ARHGAP20: variants seen among roughly 807,000 people sequenced by gnomAD.
ARHGAP20 encodes the protein Rho GTPase activating protein 20.
A neutral mutation model predicts 73.7 loss-of-function variants in ARHGAP20; 34 were observed. That is an observed-to-expected ratio of 0.46 (90% CI 0.35 to 0.61). ARHGAP20 has a LOEUF of 0.61. Ranked by LOEUF, ARHGAP20 falls within the 20% of genes least tolerant of loss-of-function variation. ARHGAP20 has a pLI of 0.00. For synonymous variants in ARHGAP20, 523 were observed against 518.2 expected, an observed-to-expected ratio of 1.01 and a Z score of -0.13; for missense variants, 1,314 against 1,420.9, an observed-to-expected ratio of 0.92 and a Z score of 1.21.
At chr11:110,606,461 A>C in intron 9 of ARHGAP20, 100 bp downstream of exon 9, 1 of 1,295,112 alleles carries the variant, frequency 7.7e-7, no homozygotes, top group Non-Finnish European at 1.1e-6. Flanking sequence ...ATACTTAGCA[A>C]ATTCCAAGAA....
At chr11:110,606,827 C>T (rs1262536464) in intron 8 of ARHGAP20, 78 bp from the exon 9 acceptor site, 3 of 1,218,772 alleles carry the variant, frequency 2.5e-6, no homozygotes, top group Non-Finnish European at 3.3e-6. Flanking sequence ...TAGGAATGTA[C>T]TGCAATTTAC....
chr11:110,637,033 A>ACATT (rs1220639787), intron 2 of ARHGAP20, among the ~76,000 whole-genome samples: 1 of 152,062 alleles, frequency 6.6e-6, no homozygotes, highest in African/African-American at 2.4e-5. Flanking sequence ...TTATGTATTA[A>ACATT]CATTCCATTT....
intron 2 of ARHGAP20, among the ~76,000 whole-genome samples, chr11:110,684,789 G>T (rs955537189): frequency 6.6e-5 from 10 of 152,130 alleles, no homozygotes; most frequent in African/African-American, 2.4e-4. Context: ...GTATGCAGCT[G>T]GAGGCCATTA....
intron 4 of ARHGAP20, 79 bp downstream of exon 4, chr11:110,624,079 TTTGA>T (rs2134933458): frequency 1.0e-5 from 15 of 1,475,860 alleles, no homozygotes; most frequent in Non-Finnish European, 1.4e-5. Flanking sequence ...AGGAACAACA[TTTGA>T]TTAATTTTTA....
At chr11:110,631,595 A>AC (rs1318753980) in intron 2 of ARHGAP20, among the ~76,000 whole-genome samples, 2 of 151,978 alleles carry the variant, frequency 1.3e-5, no homozygotes, top group African/African-American at 4.8e-5. Context: ...TGGTTATGAG[A>AC]CCCCCAAGTT....
chr11:110,700,766 A>G (rs1950432223), intron 1 of ARHGAP20, among the ~76,000 whole-genome samples: 1 of 118,430 alleles, frequency 8.4e-6, no homozygotes, highest in Admixed American at 1.1e-4. Context: ...CAGTCCCCAG[A>G]GTGTGATGTT....
chr11:110,701,523 T>G lies in ARHGAP20; in HGVS notation c.105+10604A>C, dbSNP rs1379997674. The stretch of plus-strand genomic sequence containing the variant: ...GTAGGTTGCGAAAATTTTCTCCCAT[T>G]TTGTAGGTTGCCTGTTCACTCTGAT... On this transcript the variant is annotated intron_variant, in intron 1 of 14. Transcript: ENST00000683387. Among the ~76,000 whole-genome samples, 241 of 150,418 alleles carry G rather than the reference T, an allele frequency of 1.6e-3. 1 individual carries two copies. Among genetic ancestry groups the G allele is most frequent in the Non-Finnish European group, 1.2e-3 (79 of 66,984 alleles).
At chr11:110,656,499 C>T (rs1188224026) in intron 2 of ARHGAP20, among the ~76,000 whole-genome samples, 1 of 152,144 alleles carries the variant, frequency 6.6e-6, no homozygotes, top group Non-Finnish European at 1.5e-5. Flanking sequence ...TCTACTTCTT[C>T]CCCAGTGGGT....
intron 1 of ARHGAP20, among the ~76,000 whole-genome samples, chr11:110,710,441 A>C (rs892485575): frequency 4.2e-4 from 64 of 152,238 alleles, no homozygotes; most frequent in African/African-American, 1.5e-3. Context: ...TTAGTAAAAA[A>C]AAAAGAAAAA....
chr11:110,661,538 T>TA (rs1490688081), intron 2 of ARHGAP20, among the ~76,000 whole-genome samples: 1 of 152,038 alleles, frequency 6.6e-6, no homozygotes, highest in African/African-American at 2.4e-5. Flanking sequence ...ACTGATATAG[T>TA]AAAAAAATTC....
intron 7 of ARHGAP20, among the ~76,000 whole-genome samples, 164 bp from the exon 8 acceptor site, chr11:110,609,214 A>G (rs1053807833): frequency 1.3e-5 from 2 of 152,048 alleles, no homozygotes; most frequent in Non-Finnish European, 2.9e-5. Context: ...CTATATAGGT[A>G]GCCTACAGAG....
intron 1 of ARHGAP20, among the ~76,000 whole-genome samples, chr11:110,707,205 C>T (rs1950566060): frequency 6.6e-6 from 1 of 152,068 alleles, no homozygotes; most frequent in South Asian, 2.1e-4. Context: ...CAACACTCAT[C>T]CTATTTAAAG....
At position 110,606,594 on chromosome 11, in the gene ARHGAP20, G is replaced by C; in HGVS notation, c.931C>G (p.Pro311Ala). The part of the protein sequence containing the change: ...REMQCQFILK[P>A]SRLAAAQQLS... Reference sequence around the variant, plus strand: ...TGCTGGGCTGCAGCCAGGCGGCTGGGCTTCAGGATGAACTGGCACTGCATC... The same window carrying C: ...TGCTGGGCTGCAGCCAGGCGGCTGGCCTTCAGGATGAACTGGCACTGCATC... The change falls in exon 9 of 15, where the codon CCC (proline) becomes GCC (alanine). Residue 311 changes from proline to alanine, a missense_variant. By Grantham distance (27) the Pro-to-Ala change is conservative. Around this residue, in one of 3 missense-constraint regions of ARHGAP20, gnomAD observed 443 missense variants for 466.4 expected, o/e 0.95. Transcript: ENST00000683387. The C allele has an allele frequency of 6.2e-7, 1 of 1,611,400 alleles. No homozygotes were observed. Among genetic ancestry groups the C allele is most frequent in the Non-Finnish European group, 8.5e-7 (1 of 1,179,066 alleles).
At chr11:110,652,539 T>A (rs1397699452) in intron 2 of ARHGAP20, among the ~76,000 whole-genome samples, 2 of 152,014 alleles carry the variant, frequency 1.3e-5, no homozygotes, top group African/African-American at 2.4e-5. Flanking sequence ...CAGCAAAGTC[T>A]TCAGGATATA....
chr11:110,681,045 C>G (rs929737123), intron 2 of ARHGAP20, among the ~76,000 whole-genome samples: 7 of 152,170 alleles, frequency 4.6e-5, no homozygotes, highest in African/African-American at 1.7e-4. Flanking sequence ...TAAATTTCTA[C>G]TTTGGTGTTC....
chr11:110,602,869 G>C (rs1369303452), intron 9 of ARHGAP20, among the ~76,000 whole-genome samples: 1 of 152,146 alleles, frequency 6.6e-6, no homozygotes, highest in East Asian at 1.9e-4. Flanking sequence ...AGTCTGCATA[G>C]AATAACTATG....
Position 110,712,178 on chromosome 11 carries a change from G to C in ARHGAP20, c.54C>G (p.Ser18=). The C allele has an allele frequency of 7.3e-7, 1 of 1,366,374 alleles. No homozygotes were observed. Among genetic ancestry groups the C allele is most frequent in the Non-Finnish European group, 9.5e-7 (1 of 1,054,322 alleles). 84.6% of individuals were successfully genotyped at this position (1,366,374 alleles called of 1,614,324 possible). A position where few individuals can be genotyped will look rare whatever the true frequency, so the allele number is the denominator to read the frequency against. ...GCCGAGACACTCCTGTCAGGGAAGA[G>C]GAGCGCCCCGGCTGTCCCCCTAGAG... ...QETLGGQPGR[S]SSLTGVSRLA... Residue 18 remains serine, a synonymous_variant, in exon 1 of 15, where the codon TCC becomes TCG. Transcript: ENST00000683387.
Position 110,692,377 on chromosome 11 carries a change from G to C in ARHGAP20, c.106-1748C>G, listed in dbSNP as rs537245797. ...TTTGCAGGGTTCTGTTTCACCTTCA[G>C]GCCTGGAATTAATTCCTACTCTCTA... On this transcript the variant is annotated intron_variant, in intron 1 of 14. Coordinates refer to ENST00000683387, the MANE Select transcript of ARHGAP20 (RefSeq NM_001384657.1). Among the ~76,000 whole-genome samples the C allele has an allele frequency of 4.6e-5, 7 of 152,142 alleles. No individual in the cohort carries two copies. In the East Asian group the frequency reaches 1.2e-3, roughly 25 times the overall value.
intron 2 of ARHGAP20, among the ~76,000 whole-genome samples, chr11:110,642,585 G>A (rs576543595): frequency 3.3e-4 from 50 of 152,122 alleles, no homozygotes; most frequent in African/African-American, 1.2e-3. Flanking sequence ...GGTGAATCAT[G>A]TTTATTGATT....
Sources: gnomAD v4.1 joint callset for allele counts (sites outside exome capture counted in the v4.1 genomes callset) on GRCh38, gnomAD v4.1.1 for gene constraint, gnomAD v4.1.1 regional missense constraint, MANE v1.5 for transcripts, NCBI Gene and HGNC (gene_info 2026-07-23, HGNC 2026-07-21) for gene names.